CCDC9: variants seen among roughly 807,000 people sequenced by gnomAD.
CCDC9 encodes the protein coiled-coil domain containing 9, also known as coiled-coil domain-containing protein 9.
In CCDC9, 52 loss-of-function variants were observed where a neutral mutation model predicts 65.6. The ratio of observed to expected loss-of-function variants is 0.79; its 90% CI spans 0.63 to 1.00. CCDC9 has a LOEUF of 1.00. CCDC9 is among the 50% of genes least tolerant of loss of function. CCDC9 has a pLI of 0.00. For missense variants in CCDC9, 834 were observed against 757.2 expected (o/e 1.10, Z -1.19); for synonymous variants, 332 against 280.3 (o/e 1.18, Z -1.84).
chr19:47,275,132 G>T, downstream of CCDC9: 1 of 1,489,912 alleles, frequency 6.7e-7, no homozygotes, highest in Non-Finnish European at 8.9e-7. Context: ...AGCCCAGCGC[G>T]CCGTCCCCTC....
rs547444581 is a variant in CCDC9, at chr19:47,264,306, A to G, written c.463-297A>G. Among the ~76,000 whole-genome samples, 380 of 152,310 alleles carry G rather than the reference A, an allele frequency of 2.5e-3. 3 individuals are homozygous for G. The highest frequency in any genetic ancestry group is 8.9e-3 in the African/African-American group (372 of 41,570). On this transcript the variant is annotated intron_variant, in intron 5 of 11. Transcript: ENST00000221922. The stretch of plus-strand genomic sequence containing the variant: ...GCTTGGATTAGAGGTGTGAGCCACC[A>G]TGTCAGCCTGGAGGCTAGTTTTGAA...
intron 1 of CCDC9, chr19:47,258,005 T>G (rs952907117): frequency 3.8e-6 from 1 of 261,642 alleles, no homozygotes; most frequent in Non-Finnish European, 7.4e-6. Flanking sequence ...TACCACAGGG[T>G]GTGGCGGCTG....
In CCDC9 at chr19:47,258,660, C is replaced by A; in HGVS notation, c.105C>A (p.Tyr35Ter). 6.2e-7 allele frequency: 1 copy of A among 1,612,824 alleles called. No individual in the cohort carries two copies. The highest frequency in any genetic ancestry group is 8.5e-7 in the Non-Finnish European group (1 of 1,178,782). The change falls in exon 3 of 12, where the codon TAC (tyrosine) becomes TAA (stop). Residue 35 changes from tyrosine (Y) to a stop codon, truncating the protein, a stop_gained. Transcript: ENST00000221922. LOFTEE classifies it high-confidence loss of function. ...RRKNEALIRR[Y>*]QEIEEDRKKA... is the part of the protein sequence containing the mutation. The stretch of plus-strand genomic sequence containing the variant: ...AGAATGAGGCCCTCATCCGGCGCTA[C>A]CAGGTGCCCTAGCCCCGCCCTGGGA...
chr19:47,270,339 C>T (rs2059107616), intron 8 of CCDC9, 68 bp from the exon 9 acceptor site: 1 of 1,493,664 alleles, frequency 6.7e-7, no homozygotes, highest in Admixed American at 1.7e-5. Context: ...CCTGACCTCT[C>T]CCATCTTCTT....
downstream of CCDC9, among the ~76,000 whole-genome samples, chr19:47,274,142 C>T (rs538338419): frequency 5.2e-4 from 79 of 152,250 alleles, no homozygotes; most frequent in African/African-American, 1.9e-3. Flanking sequence ...TGGGGAGGAG[C>T]TGGGAGAAGG....
chr19:47,273,209 TG>T (rs1342497541), downstream of CCDC9: 3 of 408,388 alleles, frequency 7.3e-6, no homozygotes, highest in Non-Finnish European at 1.3e-5. Context: ...AGGATTAGTC[TG>T]GGCCCCGTAA....
intron 3 of CCDC9, among the ~76,000 whole-genome samples, chr19:47,259,742 C>G (rs2059032739): frequency 6.6e-6 from 1 of 152,056 alleles, no homozygotes; most frequent in Non-Finnish European, 1.5e-5. Context: ...TGAAAGCAGA[C>G]AGACATTCCT....
intron 5 of CCDC9, among the ~76,000 whole-genome samples, chr19:47,262,108 T>C (rs1055825833): frequency 6.6e-6 from 1 of 150,844 alleles, no homozygotes; most frequent in African/African-American, 2.4e-5. Context: ...CTAAGTGGAG[T>C]AGGAGTTTAT....
intron 5 of CCDC9, among the ~76,000 whole-genome samples, chr19:47,262,128 G>T (rs2059049927): frequency 6.6e-6 from 1 of 151,456 alleles, no homozygotes. Context: ...TTTCTCCCTT[G>T]TATGCTGAGC....
At chr19:47,267,971 C>T (rs552980308) in intron 8 of CCDC9, among the ~76,000 whole-genome samples, 11 of 152,244 alleles carry the variant, frequency 7.2e-5, no homozygotes, top group Admixed American at 4.6e-4. Flanking sequence ...CCTCAGCCTC[C>T]TGAGTAGCTG....
chr19:47,274,246 G>GT (rs2059141965), downstream of CCDC9, among the ~76,000 whole-genome samples: 1 of 151,778 alleles, frequency 6.6e-6, no homozygotes, highest in African/African-American at 2.4e-5. Flanking sequence ...GAGGAGGCGG[G>GT]TCCCGCGGGG....
intron 5 of CCDC9, among the ~76,000 whole-genome samples, chr19:47,261,264 G>C (rs1490904426): frequency 6.6e-6 from 1 of 152,080 alleles, no homozygotes; most frequent in Non-Finnish European, 1.5e-5. Context: ...CTGTGTGTCT[G>C]TCTGGTGGGC....
At chr19:47,272,766 C>T (rs1387156276), downstream of CCDC9, among the ~76,000 whole-genome samples, 1 of 152,104 alleles carries the variant, frequency 6.6e-6, no homozygotes, top group East Asian at 1.9e-4. Flanking sequence ...GAGGTGCAAC[C>T]TAGTGGGGCA....
chr19:47,274,041 A>AG (rs2059140982), downstream of CCDC9: 1 of 926,164 alleles, frequency 1.1e-6, no homozygotes, highest in Non-Finnish European at 1.3e-6. Context: ...GGGCGTGAGG[A>AG]GGGGTTTATC....
chr19:47,270,501 G>C (rs1361098951), intron 9 of CCDC9, 48 bp downstream of exon 9: 1 of 1,614,026 alleles, frequency 6.2e-7, no homozygotes, highest in Non-Finnish European at 8.5e-7. Context: ...GGGAGTCAGG[G>C]GTGGTGTGTG....
downstream of CCDC9, chr19:47,272,306 T>C: frequency 2.0e-6 from 1 of 507,268 alleles, no homozygotes; most frequent in Non-Finnish European, 3.0e-6. Context: ...TGAGCTCGGA[T>C]AGGGATGGGG....
intron 8 of CCDC9, among the ~76,000 whole-genome samples, chr19:47,268,843 G>A (rs1287665963): frequency 6.7e-6 from 1 of 149,446 alleles, no homozygotes; most frequent in Non-Finnish European, 1.5e-5. Flanking sequence ...GTGTGAACCT[G>A]GGAGGTGGAG....
chr19:47,274,631 G>A (rs1175249195), downstream of CCDC9: 14 of 222,154 alleles, frequency 6.3e-5, no homozygotes, highest in African/African-American at 3.0e-4. Context: ...GAAGAGAACC[G>A]TGTTGTGGCG....
downstream of CCDC9, chr19:47,273,980 C>G (rs2059140721): frequency 2.0e-6 from 2 of 984,906 alleles, no homozygotes; most frequent in African/African-American, 3.5e-5. Flanking sequence ...CCCCGAATTC[C>G]TGAAGACGCT....
Sources: gnomAD v4.1 joint callset for allele counts (sites outside exome capture counted in the v4.1 genomes callset) on GRCh38, gnomAD v4.1.1 for gene constraint, MANE v1.5 for transcripts, NCBI Gene and HGNC (gene_info 2026-07-23, HGNC 2026-07-21) for gene names.